Variants in SLC35E1 observed in about 807,000 individuals in gnomAD.
The protein encoded by SLC35E1 is solute carrier family 35 member E1.
SLC35E1 carries 12 observed loss-of-function variants against 31.0 expected under a neutral mutation model. The observed-to-expected ratio is 0.39, with a 90% CI of 0.25 to 0.63. The LOEUF (loss-of-function observed/expected upper bound fraction) is 0.63. SLC35E1 is among the 20% of genes least tolerant of loss of function. The probability of loss-of-function intolerance (pLI) is 0.52; values close to 1 mark genes in which losing one functional copy is unlikely to be tolerated. For missense variants in SLC35E1, 429 were observed against 572.2 expected, an observed-to-expected ratio of 0.75 and a Z score of 2.55; for synonymous variants, 257 against 264.1, an observed-to-expected ratio of 0.97 and a Z score of 0.26.
intron 5 of SLC35E1, among the ~76,000 whole-genome samples, chr19:16,554,710 C>T (rs539923106): frequency 2.0e-5 from 3 of 147,244 alleles, no homozygotes; most frequent in South Asian, 2.2e-4. Flanking sequence ...CCCAGCTACT[C>T]GGGAGGCTGA....
At chr19:16,560,881 C>CAAAAAAAAAAAAAAAAAAA (rs1304202019) in intron 4 of SLC35E1, among the ~76,000 whole-genome samples, 1 of 68,058 alleles carries the variant, frequency 1.5e-5, no homozygotes, top group Non-Finnish European at 2.9e-5. Context: ...AAAAAAAAAC[C>CAAAAAAAAAAAAAAAAAAA]AAAAAAAAAA....
intron 1 of SLC35E1, 76 bp from the exon 2 acceptor site, chr19:16,571,658 T>A (rs1389924643): frequency 9.4e-6 from 14 of 1,495,052 alleles, no homozygotes; most frequent in Non-Finnish European, 1.3e-5. Flanking sequence ...CACGGCGGGA[T>A]GGGAGGGCCT....
chr19:16,565,337 A>G, intron 4 of SLC35E1: 1 of 341,968 alleles, frequency 2.9e-6, no homozygotes, highest in East Asian at 7.8e-5. Flanking sequence ...CAGCCTCCCA[A>G]GTGGCTGGGA....
chr19:16,556,776 CTGCAGGATGT>C, intron 4 of SLC35E1: 1 of 448,600 alleles, frequency 2.2e-6, no homozygotes, highest in South Asian at 1.6e-5. Context: ...CCTGCTGGAG[CTGCAGGATGT>C]CTACCTGACT....
rs533217060 is a variant in SLC35E1, at chr19:16,568,296, G to T, written c.493-127C>A. ...GATACCACCTAACACTTTGAAAGTG[G>T]TGTTTGCTGTGCCAGTGACGCTCTG... On this transcript the variant is annotated intron_variant, in intron 2 of 5. Transcript: ENST00000595753. The T allele has an allele frequency of 5.4e-5, 68 of 1,262,018 alleles. No homozygotes were observed. In the South Asian group the frequency reaches 9.7e-4, roughly 18 times the overall value. 78.2% of individuals were successfully genotyped at this position (1,262,018 alleles called of 1,614,324 possible).
In SLC35E1 at chr19:16,555,056, A is replaced by G. The variant is rs1599762033; in HGVS notation, c.1002+96T>C. 1 of 1,532,936 alleles carries G rather than the reference A, an allele frequency of 6.5e-7. No homozygotes were observed. Among genetic ancestry groups the G allele is most frequent in the Non-Finnish European group, 8.8e-7 (1 of 1,138,608 alleles). 95.0% of individuals were successfully genotyped at this position (1,532,936 alleles called of 1,614,324 possible). A position where few individuals can be genotyped will look rare whatever the true frequency, so the allele number is the denominator to read the frequency against. ...GTCAGTGGCAAAGCTCTGACATACA[A>G]CCCCAGCCTTGAGCGCCCGGGAGGC... On this transcript the variant is annotated intron_variant, in intron 5 of 5. Transcript: ENST00000595753. The surrounding 1 kb of genome is among the most constrained non-coding windows in gnomAD (Gnocchi z 4.1).
At chr19:16,571,613 C>A in intron 1 of SLC35E1, 31 bp from the exon 2 acceptor site, 1 of 1,611,654 alleles carries the variant, frequency 6.2e-7, no homozygotes, top group Non-Finnish European at 8.5e-7. Flanking sequence ...ACTCAGGGGG[C>A]TGCCTGAATT....
At chr19:16,567,612 T>C (rs568888069) in intron 3 of SLC35E1, among the ~76,000 whole-genome samples, 1 of 152,216 alleles carries the variant, frequency 6.6e-6, no homozygotes, top group Non-Finnish European at 1.5e-5. Context: ...CAGGTTGGAG[T>C]GCAGTGATGC....
At position 16,555,129 on chromosome 19, in the gene SLC35E1, T is replaced by C. The variant is rs746981395; in HGVS notation, c.1002+23A>G. 3.1e-6 allele frequency: 5 copies of C among 1,613,012 alleles called. No homozygotes were observed. Among genetic ancestry groups the C allele is most frequent in the South Asian group, 2.2e-5 (2 of 91,050 alleles). ...GTGTTGGGGGGCCGGCTTCCTTCCC[T>C]GCCCAGCCTCTCAGACTCTCACCTT... On this transcript the variant is annotated intron_variant, in intron 5 of 5. Coordinates refer to ENST00000595753, the MANE Select transcript of SLC35E1 (RefSeq NM_024881.5). The surrounding 1 kb of genome is among the most constrained non-coding windows in gnomAD (Gnocchi z 4.1).
In SLC35E1 at chr19:16,568,145, T is replaced by C. The variant is rs759576353; in HGVS notation, c.517A>G (p.Ile173Val). The change falls in exon 3 of 6, where the codon ATC (isoleucine) becomes GTC (valine). Residue 173 changes from isoleucine (I) to valine (V), a missense_variant. Ile to Val is a conservative substitution (Grantham distance 29, BLOSUM62 3). Coordinates refer to ENST00000595753, the MANE Select transcript of SLC35E1 (RefSeq NM_024881.5). Reference sequence around the variant, plus strand: ...ACGGTGGCCAGCAGGACACCGCTGATGATGGGGATGAGTGACAAGTATACC... The same window carrying C: ...ACGGTGGCCAGCAGGACACCGCTGACGATGGGGATGAGTGACAAGTATACC... ...TKVYLSLIPI[I>V]SGVLLATVTE... is the part of the protein sequence containing the mutation. 5.6e-6 allele frequency: 9 copies of C among 1,612,564 alleles called. No homozygotes were observed. The African/African-American group carries it at 6.7e-5, about 12-fold the overall frequency.
intron 2 of SLC35E1, among the ~76,000 whole-genome samples, chr19:16,569,502 A>G (rs745811068): frequency 6.6e-6 from 1 of 152,212 alleles, no homozygotes; most frequent in Non-Finnish European, 1.5e-5. Flanking sequence ...ATGCAGGGCT[A>G]AACAACTCCC....
Position 16,555,116 on chromosome 19 carries a change from C to T in SLC35E1, c.1002+36G>A, listed in dbSNP as rs771751271. 19 of 1,611,474 alleles carry T rather than the reference C, an allele frequency of 1.2e-5. No individual in the cohort carries two copies. The highest frequency in any genetic ancestry group is 6.7e-5 in the African/African-American group (5 of 74,794). ...TCTGACTTCCTGGGTGTTGGGGGGCCGGCTTCCTTCCCTGCCCAGCCTCTC... is the reference window on the plus strand; with the variant it reads ...TCTGACTTCCTGGGTGTTGGGGGGCTGGCTTCCTTCCCTGCCCAGCCTCTC... On this transcript the variant is annotated intron_variant, in intron 5 of 5. Transcript: ENST00000595753. This position sits in a 1 kb window ranked among gnomAD's most constrained non-coding sequence, Gnocchi z 4.1.
intron 5 of SLC35E1, 42 bp from the exon 6 acceptor site, chr19:16,553,951 C>T: frequency 6.7e-7 from 1 of 1,499,970 alleles, no homozygotes; most frequent in Non-Finnish European, 9.0e-7. Context: ...ATGCCCGGGG[C>T]ATAAGAGCTC....
At chr19:16,554,816 T>A (rs1599761940) in intron 5 of SLC35E1, among the ~76,000 whole-genome samples, 1 of 113,912 alleles carries the variant, frequency 8.8e-6, no homozygotes, top group Admixed American at 1.1e-4. Context: ...CCAGACTCCA[T>A]CTCGAAAAAA....
chr19:16,551,169 A>G lies in SLC35E1; in HGVS notation c.*2510T>C, dbSNP rs990354497. On this transcript the variant is annotated 3_prime_UTR_variant, in exon 6 of 6. Transcript: ENST00000595753. ...ACTTGACTGCCTTCGGTGAAGGCAC[A>G]CGGCAAGTTCTTCTGACAAATAACA... The G allele has an allele frequency of 3.3e-5, 5 of 152,194 alleles. No individual in the cohort carries two copies. Among genetic ancestry groups the G allele is most frequent in the Admixed American group, 3.3e-4 (5 of 15,268 alleles). The allele number at this position is 152,194 out of a possible 1,614,324, so 9.4% of individuals were successfully genotyped here. A position where few individuals can be genotyped will look rare whatever the true frequency, so the allele number is the denominator to read the frequency against.
chr19:16,556,196 G>A (rs957144795), intron 4 of SLC35E1, among the ~76,000 whole-genome samples: 1 of 152,054 alleles, frequency 6.6e-6, no homozygotes, highest in South Asian at 2.1e-4. Context: ...CAGGGCAACA[G>A]AGCGAGACTC....
chr19:16,562,739 G>C (rs1007635633), intron 4 of SLC35E1, among the ~76,000 whole-genome samples: 2 of 152,154 alleles, frequency 1.3e-5, no homozygotes, highest in Non-Finnish European at 2.9e-5. Flanking sequence ...ATAGGGTCTT[G>C]CTCTGTCATG....
Position 16,555,981 on chromosome 19 carries a change from C to G in SLC35E1, c.757-584G>C, listed in dbSNP as rs1367246009. ...CTGTAATCCCAGCACTTTGGGAGGC[C>G]GATGCAGCTGGATCATCTGAGGTCA... On this transcript the variant is annotated intron_variant, in intron 4 of 5. Transcript: ENST00000595753. This position sits in a 1 kb window ranked among gnomAD's most constrained non-coding sequence, Gnocchi z 4.1. 3 of 153,526 alleles carry G rather than the reference C, an allele frequency of 2.0e-5. No homozygotes were observed. Among genetic ancestry groups the G allele is most frequent in the Non-Finnish European group, 4.3e-5 (3 of 69,312 alleles). The allele number at this position is 153,526 out of a possible 1,614,324, so 9.5% of individuals were successfully genotyped here. A position where few individuals can be genotyped will look rare whatever the true frequency, so the allele number is the denominator to read the frequency against.
chr19:16,565,095 C>T (rs1029224889), intron 4 of SLC35E1: 3 of 456,354 alleles, frequency 6.6e-6, no homozygotes, highest in Non-Finnish European at 1.3e-5. Flanking sequence ...ACCGCAGGCA[C>T]TTGCATTCAT....
Sources: gnomAD v4.1 joint callset for allele counts (sites outside exome capture counted in the v4.1 genomes callset) on GRCh38, gnomAD v4.1.1 for gene constraint, Gnocchi (gnomAD v3.1) non-coding constraint, MANE v1.5 for transcripts, NCBI Gene and HGNC (gene_info 2026-07-23, HGNC 2026-07-21) for gene names.